The following COL4A2 variants were observed in gnomAD, a reference collection of about 807,000 sequenced individuals.
COL4A2 encodes the protein collagen type IV alpha 2 chain.
COL4A2 carries 99 observed loss-of-function variants against 200.2 expected under a neutral mutation model. That is an observed-to-expected ratio of 0.49 (90% CI 0.42 to 0.58). The LOEUF (loss-of-function observed/expected upper bound fraction) is 0.58. COL4A2 is among the 20% of genes least tolerant of loss of function. COL4A2 has a pLI of 0.00. For synonymous variants in COL4A2, 897 were observed against 900.6 expected, an observed-to-expected ratio of 1.00 and a Z score of 0.07; for missense variants, 1,950 against 2,314.1, an observed-to-expected ratio of 0.84 and a Z score of 3.23.
At chr13:110,344,134 AG>A (rs1183927854) in intron 3 of COL4A2, among the ~76,000 whole-genome samples, 1 of 152,208 alleles carries the variant, frequency 6.6e-6, no homozygotes, top group Non-Finnish European at 1.5e-5. Flanking sequence ...TAAATATGTA[AG>A]GGTATTTATT....
In COL4A2 at chr13:110,506,403, C is replaced by G. The variant is rs1282281194; in HGVS notation, c.4403-12C>G. ...ACCAGGCCGTCCACTCTCTCTCTTT[C>G]TCGGGCTGCAGGTGCACCAGGCCGT... On this transcript the variant is annotated splice_polypyrimidine_tract_variant and intron_variant, in intron 45 of 47. Coordinates refer to ENST00000360467, the MANE Select transcript of COL4A2 (RefSeq NM_001846.4). 1.2e-6 allele frequency: 2 copies of G among 1,604,906 alleles called. No individual in the cohort carries two copies. Among genetic ancestry groups the G allele is most frequent in the East Asian group, 2.2e-5 (1 of 44,652 alleles).
chr13:110,434,224 T>C lies in COL4A2; in HGVS notation c.685-177T>C, dbSNP rs74124328. 0.087 allele frequency among the ~76,000 whole-genome samples: 13,251 copies of C among 152,220 alleles called. 853 individuals are homozygous for C. Among genetic ancestry groups the C allele is most frequent in the African/African-American group, 0.19 (7,688 of 41,508 alleles). On this transcript the variant is annotated intron_variant, in intron 11 of 47. Coordinates refer to ENST00000360467, the MANE Select transcript of COL4A2 (RefSeq NM_001846.4). Reference sequence around the variant, plus strand: ...CATTCACTCTGAGGCCTTGGTCAACTGACATGACAAACTGTCAATTAGTTT... The same window carrying C: ...CATTCACTCTGAGGCCTTGGTCAACCGACATGACAAACTGTCAATTAGTTT...
rs1883711182 is a variant in COL4A2, at chr13:110,503,198, C to T, written c.3955C>T (p.Pro1319Ser). The T allele has an allele frequency of 3.1e-6, 5 of 1,613,866 alleles. No homozygotes were observed. The highest frequency in any genetic ancestry group is 1.3e-5 in the African/African-American group (1 of 74,908). ...SKGDTGNPGA[P>S]GTPGTKGWAG... Reference sequence around the variant, plus strand: ...AGGTGACACAGGGAACCCAGGAGCTCCAGGAACCCCAGGGACCAAAGGATG... The same window carrying T: ...AGGTGACACAGGGAACCCAGGAGCTTCAGGAACCCCAGGGACCAAAGGATG... The change falls in exon 42 of 48, where the codon CCA becomes TCA. Residue 1319 changes from proline (P) to serine (S), a missense_variant. By Grantham distance (74) the Pro-to-Ser change is moderately conservative. Coordinates refer to ENST00000360467, the MANE Select transcript of COL4A2 (RefSeq NM_001846.4).
intron 22 of COL4A2, 183 bp from the exon 23 acceptor site, chr13:110,461,931 C>A: frequency 1.3e-6 from 1 of 794,114 alleles, no homozygotes; most frequent in Non-Finnish European, 2.0e-6. Flanking sequence ...TGGCCAGTGG[C>A]CCCACACTGG....
At chr13:110,464,741 C>T (rs1267789573) in intron 24 of COL4A2, among the ~76,000 whole-genome samples, 1 of 152,142 alleles carries the variant, frequency 6.6e-6, no homozygotes, top group African/African-American at 2.4e-5. Flanking sequence ...GGAGCTTATG[C>T]GCATGGCTGT....
chr13:110,333,121 C>A (rs1387666433), intron 3 of COL4A2, among the ~76,000 whole-genome samples: 2 of 152,314 alleles, frequency 1.3e-5, no homozygotes, highest in Middle Eastern at 6.8e-3. Context: ...ACTGCTCCAC[C>A]CTACTTTCTG....
chr13:110,446,292 G>A (rs1291596443), intron 17 of COL4A2, among the ~76,000 whole-genome samples: 1 of 152,198 alleles, frequency 6.6e-6, no homozygotes, highest in Non-Finnish European at 1.5e-5. Context: ...AGCTGAGAGG[G>A]GAACGCACCC....
At chr13:110,366,970 G>A (rs957992406) in intron 4 of COL4A2, among the ~76,000 whole-genome samples, 3 of 152,206 alleles carry the variant, frequency 2.0e-5, no homozygotes, top group Admixed American at 2.0e-4. Flanking sequence ...GACTCACCTG[G>A]GAAGCACAAA....
intron 20 of COL4A2, among the ~76,000 whole-genome samples, chr13:110,453,254 G>A (rs532780685): frequency 2.6e-5 from 4 of 152,084 alleles, no homozygotes; most frequent in African/African-American, 9.6e-5. Flanking sequence ...TAATCCCAGC[G>A]CTTTGGGAAA....
chr13:110,352,948 G>A (rs1041811053), intron 3 of COL4A2, among the ~76,000 whole-genome samples: 38 of 152,330 alleles, frequency 2.5e-4, no homozygotes, highest in Admixed American at 5.2e-4. Context: ...AGTAGGAGCT[G>A]CAGGAACCTC....
chr13:110,444,682 A>T (rs983848365), intron 16 of COL4A2, among the ~76,000 whole-genome samples: 3 of 152,230 alleles, frequency 2.0e-5, no homozygotes, highest in African/African-American at 7.2e-5. Context: ...GGCATCTGGC[A>T]TTCTGAATTT....
At chr13:110,493,597 G>A (rs1196329133) in intron 39 of COL4A2, among the ~76,000 whole-genome samples, 1 of 152,118 alleles carries the variant, frequency 6.6e-6, no homozygotes, top group Admixed American at 6.5e-5. Context: ...ATGCACCTGC[G>A]CCCCTCAGGT....
intron 10 of COL4A2, among the ~76,000 whole-genome samples, chr13:110,431,289 G>A (rs909998468): frequency 1.3e-5 from 2 of 152,190 alleles, no homozygotes; most frequent in African/African-American, 4.8e-5. Context: ...GGAAGCCATT[G>A]CTCAAGACTG....
intron 47 of COL4A2, among the ~76,000 whole-genome samples, chr13:110,509,245 TTATATATATA>T (rs374846915): frequency 5.6e-5 from 4 of 72,004 alleles, no homozygotes; most frequent in South Asian, 1.5e-3. Context: ...ATTTCATAAA[TTATATATATA>T]TATATATATA....
chr13:110,465,171 A>G lies in COL4A2; in HGVS notation c.1777-234A>G, dbSNP rs117883920. Among the ~76,000 whole-genome samples the G allele has an allele frequency of 0.018, 2,763 of 152,276 alleles. 35 individuals are homozygous for G. The highest frequency in any genetic ancestry group is 0.061 in the Middle Eastern group (18 of 294). On this transcript the variant is annotated intron_variant, in intron 24 of 47. Transcript: ENST00000360467. ...GGTGGGAAGAGAGAAATGCTCAAGC[A>G]TGTACATGTGCCTTCCAGAACCGGC...
At chr13:110,499,561 G>GCTCA (rs1202272073) in intron 40 of COL4A2, among the ~76,000 whole-genome samples, 1 of 152,204 alleles carries the variant, frequency 6.6e-6, no homozygotes, top group Non-Finnish European at 1.5e-5. Context: ...CCGTATCACA[G>GCTCA]CTCACTGAAG....
At chr13:110,349,739 A>T (rs1190886140) in intron 3 of COL4A2, among the ~76,000 whole-genome samples, 3 of 152,168 alleles carry the variant, frequency 2.0e-5, no homozygotes, top group Admixed American at 6.5e-5. Flanking sequence ...AAATCTATCC[A>T]TGCAAACAGA....
At chr13:110,315,806 C>T (rs990518065) in intron 3 of COL4A2, among the ~76,000 whole-genome samples, 3 of 152,164 alleles carry the variant, frequency 2.0e-5, no homozygotes, top group Non-Finnish European at 4.4e-5. Context: ...TCATGGGTAC[C>T]TTTATCTGCC....
chr13:110,309,138 G>A (rs551015300), intron 3 of COL4A2, among the ~76,000 whole-genome samples: 22 of 152,312 alleles, frequency 1.4e-4, no homozygotes, highest in Admixed American at 8.5e-4. Context: ...TTTTTACATC[G>A]TTCTGCCCTG....
Sources: gnomAD v4.1 joint callset for allele counts (sites outside exome capture counted in the v4.1 genomes callset) on GRCh38, gnomAD v4.1.1 for gene constraint, MANE v1.5 for transcripts, NCBI Gene and HGNC (gene_info 2026-07-23, HGNC 2026-07-21) for gene names.